VWC2: variants seen among roughly 807,000 people sequenced by gnomAD.
The protein encoded by VWC2 is von Willebrand factor C domain containing 2.
A neutral mutation model predicts 29.8 loss-of-function variants in VWC2; 14 were observed. That is an observed-to-expected ratio of 0.47 (90% CI 0.31 to 0.74). The LOEUF is 0.74. VWC2 is among the 30% of genes least tolerant of loss of function. The probability of loss-of-function intolerance (pLI) is 0.05; values close to 1 mark genes in which losing one functional copy is unlikely to be tolerated. For missense variants in VWC2, 457 were observed against 459.8 expected, an observed-to-expected ratio of 0.99 and a Z score of 0.05; for synonymous variants, 213 against 199.0, an observed-to-expected ratio of 1.07 and a Z score of -0.59.
intron 2 of VWC2, among the ~76,000 whole-genome samples, chr7:49,780,064 C>T (rs1788141716): frequency 6.6e-6 from 1 of 152,162 alleles, no homozygotes; most frequent in African/African-American, 2.4e-5. Context: ...GTGTCAATGA[C>T]CAAAATTGAC....
chr7:49,834,805 C>T (rs533120165), intron 3 of VWC2, among the ~76,000 whole-genome samples: 30 of 152,324 alleles, frequency 2.0e-4, no homozygotes, highest in Middle Eastern at 3.4e-3. Context: ...CGTGATCTCA[C>T]ATGGGGACAG....
chr7:49,800,651 C>T (rs1385335460), intron 2 of VWC2, among the ~76,000 whole-genome samples: 1 of 152,108 alleles, frequency 6.6e-6, no homozygotes. Flanking sequence ...AGGCTTCTGA[C>T]ATGCAATAAA....
chr7:49,836,464 G>GAAA (rs34464968), intron 3 of VWC2, among the ~76,000 whole-genome samples: 1 of 117,762 alleles, frequency 8.5e-6, no homozygotes, highest in Non-Finnish European at 1.7e-5. Context: ...CTCTGTCTCT[G>GAAA]AAAAAAAAAA....
At chr7:49,845,924 T>C (rs1035466784) in intron 3 of VWC2, among the ~76,000 whole-genome samples, 3 of 152,126 alleles carry the variant, frequency 2.0e-5, no homozygotes, top group African/African-American at 7.2e-5. Flanking sequence ...ACTGGAGAGT[T>C]TTCACTAATG....
At chr7:49,827,357 A>T (rs892118727) in intron 3 of VWC2, among the ~76,000 whole-genome samples, 7 of 51,978 alleles carry the variant, frequency 1.3e-4, no homozygotes, top group African/African-American at 5.5e-4. Flanking sequence ...ATACTTTCAA[A>T]TTTTTTTTAA....
chr7:49,897,921 A>T (rs1007501021), intron 3 of VWC2, among the ~76,000 whole-genome samples: 3 of 152,166 alleles, frequency 2.0e-5, no homozygotes, highest in African/African-American at 7.2e-5. Context: ...CACTTCTTGC[A>T]GGGGGAGGGG....
chr7:49,815,413 A>T (rs1021014409), intron 3 of VWC2, among the ~76,000 whole-genome samples: 13 of 152,198 alleles, frequency 8.5e-5, no homozygotes, highest in African/African-American at 3.1e-4. Context: ...TATGACTCTG[A>T]TACATATCAC....
intron 3 of VWC2, among the ~76,000 whole-genome samples, chr7:49,892,673 C>G (rs1792194181): frequency 6.6e-6 from 1 of 152,142 alleles, no homozygotes; most frequent in Admixed American, 6.5e-5. Flanking sequence ...AATACTTGCC[C>G]AGTGAGTTAG....
chr7:49,860,918 C>A (rs1391463373), intron 3 of VWC2, among the ~76,000 whole-genome samples: 2 of 152,192 alleles, frequency 1.3e-5, no homozygotes, highest in African/African-American at 4.8e-5. Flanking sequence ...CCAAACCTCC[C>A]AATACCTTGA....
chr7:49,871,040 A>G (rs532925995), intron 3 of VWC2, among the ~76,000 whole-genome samples: 4 of 152,230 alleles, frequency 2.6e-5, no homozygotes, highest in Non-Finnish European at 4.4e-5. Flanking sequence ...ATTCCACAGA[A>G]CCAATAAATT....
At chr7:49,830,844 G>A (rs377521837) in intron 3 of VWC2, among the ~76,000 whole-genome samples, 32 of 152,164 alleles carry the variant, frequency 2.1e-4, no homozygotes, top group African/African-American at 7.5e-4. Context: ...CAAAGGACAT[G>A]AACTCATCCT....
At chr7:49,840,224 T>C (rs1336560163) in intron 3 of VWC2, among the ~76,000 whole-genome samples, 1 of 152,238 alleles carries the variant, frequency 6.6e-6, no homozygotes, top group Admixed American at 6.5e-5. Flanking sequence ...AATATGTTTC[T>C]TTGGATGCTA....
chr7:49,778,837 T>A (rs999797387), intron 2 of VWC2, among the ~76,000 whole-genome samples: 1 of 152,066 alleles, frequency 6.6e-6, no homozygotes, highest in Non-Finnish European at 1.5e-5. Context: ...ACATGGAAAA[T>A]GAAAAAGGAA....
chr7:49,818,249 T>C (rs1265050645), intron 3 of VWC2, among the ~76,000 whole-genome samples: 1 of 152,202 alleles, frequency 6.6e-6, no homozygotes, highest in Non-Finnish European at 1.5e-5. Flanking sequence ...AGAGAAATAT[T>C]TCCCAAATTG....
rs1340186116 is a variant in VWC2 at position 49,915,976 on chromosome 7, G to A, written c.*3791G>A. The stretch of plus-strand genomic sequence containing the variant: ...GGTTGATACAGTCAGTAACTATTCT[G>A]AAGAATCAGATTAAGAGAGAACAAT... On this transcript the variant is annotated 3_prime_UTR_variant, in exon 4 of 4. Transcript: ENST00000340652. 1 of 152,020 alleles carries A rather than the reference G, an allele frequency of 6.6e-6. No homozygotes were observed. The highest frequency in any genetic ancestry group is 1.5e-5 in the Non-Finnish European group (1 of 68,002). 9.4% of individuals were successfully genotyped at this position (152,020 alleles called of 1,614,324 possible). A position where few individuals can be genotyped will look rare whatever the true frequency, so the allele number is the denominator to read the frequency against.
chr7:49,814,574 G>C (rs866665221), intron 3 of VWC2, among the ~76,000 whole-genome samples: 1 of 152,190 alleles, frequency 6.6e-6, no homozygotes, highest in Middle Eastern at 3.2e-3. Flanking sequence ...CTGCCGCAAA[G>C]TATTGCTACC....
rs201206664 is a variant in VWC2, at chr7:49,912,098, C to T, written c.891C>T (p.Cys297=). 1 of 1,614,144 alleles carries T rather than the reference C, an allele frequency of 6.2e-7. No individual in the cohort carries two copies. Among genetic ancestry groups the T allele is most frequent in the Non-Finnish European group, 8.5e-7 (1 of 1,180,018 alleles). The part of the protein sequence containing the change: ...PAGREVKTDE[C]TICHCTYEEG... ...GCAGAGAAGTGAAGACTGACGAGTGCACCATATGCCACTGTACTTATGAGG... is the reference window on the plus strand; with the variant it reads ...GCAGAGAAGTGAAGACTGACGAGTGTACCATATGCCACTGTACTTATGAGG... The change falls in exon 4 of 4, where the codon TGC becomes TGT. Residue 297 remains cysteine, a synonymous_variant. Transcript: ENST00000340652.
intron 3 of VWC2, among the ~76,000 whole-genome samples, chr7:49,876,892 A>G (rs569789813): frequency 2.0e-5 from 3 of 152,094 alleles, no homozygotes; most frequent in Non-Finnish European, 4.4e-5. Flanking sequence ...AACAAAGTCT[A>G]AATTTATCAG....
chr7:49,815,620 C>CGA (rs1789122012), intron 3 of VWC2, among the ~76,000 whole-genome samples: 2 of 152,108 alleles, frequency 1.3e-5, no homozygotes, highest in Non-Finnish European at 2.9e-5. Flanking sequence ...TAATTTTGAA[C>CGA]ATAATTTAAA....
Sources: gnomAD v4.1 joint callset for allele counts (sites outside exome capture counted in the v4.1 genomes callset) on GRCh38, gnomAD v4.1.1 for gene constraint, MANE v1.5 for transcripts, NCBI Gene and HGNC (gene_info 2026-07-23, HGNC 2026-07-21) for gene names.